NRXN3: variants seen among roughly 807,000 people sequenced by gnomAD.
NRXN3 encodes neurexin 3.
NRXN3 carries 32 observed loss-of-function variants against 137.6 expected under a neutral mutation model. That is an observed-to-expected ratio of 0.23 (90% CI 0.18 to 0.31). The LOEUF (loss-of-function observed/expected upper bound fraction) is 0.31, where lower values mean the gene tolerates loss of function less well. Ranked by LOEUF, NRXN3 falls within the 10% of genes least tolerant of loss-of-function variation. The pLI is 1.00. For synonymous variants in NRXN3, 798 were observed against 784.5 expected (o/e 1.02, Z -0.29); for missense variants, 1,574 against 2,062.5 (o/e 0.76, Z 4.59).
rs144164014 is a variant in NRXN3, at chr14:79,241,458, C to T, written c.3263-225763C>T. ...AGAAGCAAAGGCACATCTTACATGG[C>T]GGCAGGCAAGAGAACTTGTGCAGGG... On this transcript the variant is annotated intron_variant, in intron 15 of 20. Transcript: ENST00000335750. 4.5e-3 allele frequency among the ~76,000 whole-genome samples: 678 copies of T among 152,218 alleles called. 3 individuals are homozygous for T. The highest frequency in any genetic ancestry group is 0.015 in the African/African-American group (622 of 41,538).
In NRXN3 at chr14:78,966,150, A is replaced by G. The variant is rs1424060218; in HGVS notation, c.2521A>G (p.Asn841Asp). The G allele has an allele frequency of 2.5e-6, 4 of 1,614,026 alleles. No individual in the cohort carries two copies. The highest frequency in any genetic ancestry group is 2.5e-6 in the Non-Finnish European group (3 of 1,180,036). Residue 841 changes from asparagine (N) to aspartate (D), a missense_variant, in exon 12 of 21, where the codon AAT becomes GAT. Asn to Asp is a conservative substitution (Grantham distance 23). Around this residue, in one of 5 missense-constraint regions of NRXN3, gnomAD observed 718 missense variants for 887.6 expected, o/e 0.81. Coordinates refer to ENST00000335750, the MANE Select transcript of NRXN3 (RefSeq NM_001330195.2). ...FIGHLQSLMF[N>D]GLLYIDLCKN... is the part of the protein sequence containing the mutation. ...TGGCCATCTGCAGAGCCTCATGTTT[A>G]ATGGCCTTCTCTACATTGACTTGTG...
intron 2 of NRXN3, among the ~76,000 whole-genome samples, chr14:78,258,795 G>T (rs1313656067): frequency 6.6e-6 from 1 of 152,152 alleles, no homozygotes; most frequent in African/African-American, 2.4e-5. Flanking sequence ...AACTATTCAT[G>T]TTGGTTTTTC....
chr14:79,079,445 G>A (rs1239746505), intron 15 of NRXN3, among the ~76,000 whole-genome samples: 1 of 152,114 alleles, frequency 6.6e-6, no homozygotes, highest in Non-Finnish European at 1.5e-5. Context: ...ATATTCTATG[G>A]TGTAGTAAAT....
intron 8 of NRXN3, among the ~76,000 whole-genome samples, chr14:78,756,116 C>T (rs2098667030): frequency 6.6e-6 from 1 of 152,132 alleles, no homozygotes; most frequent in Non-Finnish European, 1.5e-5. Flanking sequence ...TTGAGGGCTT[C>T]CCTAGACAAT....
rs2081058775 is a variant in NRXN3, at chr14:79,280,283, G to A, written c.3263-186938G>A. ...AACTGCCCATCTGTAGTGGTCCCGT[G>A]CGTTGACCATGCACCTGAGAATCCA... On this transcript the variant is annotated intron_variant, in intron 15 of 20. Transcript: ENST00000335750. The A allele has an allele frequency of 2.5e-6, 4 of 1,613,848 alleles. No individual in the cohort carries two copies. In the East Asian group the frequency reaches 8.9e-5, roughly 36 times the overall value.
At chr14:78,565,954 G>A (rs1566763715) in intron 4 of NRXN3, among the ~76,000 whole-genome samples, 1 of 152,118 alleles carries the variant, frequency 6.6e-6, no homozygotes, top group African/African-American at 2.4e-5. Flanking sequence ...TTTGACCCTG[G>A]TCATTCTTTG....
At chr14:78,728,997 G>T (rs1357346057) in intron 8 of NRXN3, among the ~76,000 whole-genome samples, 1 of 152,144 alleles carries the variant, frequency 6.6e-6, no homozygotes, top group Non-Finnish European at 1.5e-5. Flanking sequence ...CCCCTTTTTA[G>T]CCTCAGTTTT....
At position 79,054,085 on chromosome 14, in the gene NRXN3, T is replaced by C. The variant is rs572713003; in HGVS notation, c.3262+65944T>C. On this transcript the variant is annotated intron_variant, in intron 15 of 20. Coordinates refer to ENST00000335750, the MANE Select transcript of NRXN3 (RefSeq NM_001330195.2). ...ACAAAAAACCAAACACCGCATGTTCTCACTCATAGGTAGGAATTGAACAAT... is the reference window on the plus strand; with the variant it reads ...ACAAAAAACCAAACACCGCATGTTCCCACTCATAGGTAGGAATTGAACAAT... Among the ~76,000 whole-genome samples, 11 of 141,488 alleles carry C rather than the reference T, an allele frequency of 7.8e-5. No homozygotes were observed. The East Asian group carries it at 2.3e-3, about 30-fold the overall frequency. 92.8% of individuals were successfully genotyped at this position (141,488 alleles called of 152,430 possible).
intron 15 of NRXN3, among the ~76,000 whole-genome samples, chr14:78,996,158 AT>A (rs2099529638): frequency 6.6e-6 from 1 of 151,592 alleles, no homozygotes. Flanking sequence ...ATTCAGTTTC[AT>A]TTTTCTTTTT....
intron 17 of NRXN3, among the ~76,000 whole-genome samples, chr14:79,682,190 T>C (rs928497674): frequency 6.6e-6 from 1 of 152,124 alleles, no homozygotes; most frequent in African/African-American, 2.4e-5. Flanking sequence ...TCTTTTCTTT[T>C]TAAACTAAGA....
chr14:79,821,387 G>C (rs1458401629), intron 20 of NRXN3, among the ~76,000 whole-genome samples: 1 of 152,122 alleles, frequency 6.6e-6, no homozygotes, highest in African/African-American at 2.4e-5. Flanking sequence ...GATGCAATCT[G>C]CAGTCATGGG....
At chr14:79,206,115 C>G (rs1456571922) in intron 15 of NRXN3, among the ~76,000 whole-genome samples, 1 of 152,110 alleles carries the variant, frequency 6.6e-6, no homozygotes, top group Non-Finnish European at 1.5e-5. Context: ...ATGTGACTAT[C>G]AATACATAAT....
intron 4 of NRXN3, among the ~76,000 whole-genome samples, chr14:78,523,895 G>T (rs1247220410): frequency 6.6e-6 from 1 of 150,922 alleles, no homozygotes. Flanking sequence ...GTCTATGTGG[G>T]TCTGCTTCCT....
chr14:78,329,447 G>C (rs1398811550), intron 4 of NRXN3, among the ~76,000 whole-genome samples: 1 of 152,152 alleles, frequency 6.6e-6, no homozygotes, highest in East Asian at 1.9e-4. Flanking sequence ...TGATCACAGA[G>C]TACCTTGTTT....
intron 3 of NRXN3, among the ~76,000 whole-genome samples, chr14:78,296,295 G>A (rs1391897424): frequency 6.6e-6 from 1 of 151,984 alleles, no homozygotes; most frequent in Non-Finnish European, 1.5e-5. Context: ...CGAACTCCTG[G>A]ACTCAAGCTA....
intron 9 of NRXN3, among the ~76,000 whole-genome samples, chr14:78,809,390 T>G (rs2098896816): frequency 6.6e-6 from 1 of 152,214 alleles, no homozygotes; most frequent in South Asian, 2.1e-4. Context: ...CTGGCTTGCC[T>G]TCTCCCTGAA....
intron 15 of NRXN3, chr14:79,246,868 C>T (rs912949751): frequency 9.9e-5 from 15 of 152,130 alleles, no homozygotes; most frequent in African/African-American, 2.9e-4. Context: ...CAATACTAGA[C>T]TTGCATTCCC....
At chr14:78,656,546 T>C (rs976001213) in intron 6 of NRXN3, among the ~76,000 whole-genome samples, 1 of 152,134 alleles carries the variant, frequency 6.6e-6, no homozygotes, top group Non-Finnish European at 1.5e-5. Context: ...GACCATTTCA[T>C]AGAGGCCTTT....
chr14:78,754,315 G>A (rs112517816), intron 8 of NRXN3, among the ~76,000 whole-genome samples: 159 of 152,144 alleles, frequency 1.0e-3, no homozygotes, highest in Non-Finnish European at 1.5e-3. Context: ...GTTGGCCTCC[G>A]TTTCTTTGTT....
Sources: gnomAD v4.1 joint callset for allele counts (sites outside exome capture counted in the v4.1 genomes callset) on GRCh38, gnomAD v4.1.1 for gene constraint, gnomAD v4.1.1 regional missense constraint, MANE v1.5 for transcripts, NCBI Gene and HGNC (gene_info 2026-07-23, HGNC 2026-07-21) for gene names.